Variants in FAM163A observed in about 807,000 individuals in gnomAD.
FAM163A encodes family with sequence similarity 163 member A.
A neutral mutation model predicts 12.0 loss-of-function variants in FAM163A; 7 were observed. The observed-to-expected ratio is 0.58, with a 90% CI of 0.33 to 1.10. FAM163A has a LOEUF of 1.10. Among genes scored for constraint, FAM163A ranks in the 50% least tolerant of loss-of-function variants. FAM163A has a pLI of 0.03. For synonymous variants in FAM163A, 101 were observed against 91.0 expected, an observed-to-expected ratio of 1.11 and a Z score of -0.62; for missense variants, 202 against 218.6, an observed-to-expected ratio of 0.92 and a Z score of 0.48.
chr1:179,813,203 G>T lies in FAM163A; in HGVS notation c.93+13G>T, dbSNP rs1250131738. The T allele has an allele frequency of 2.6e-6, 4 of 1,550,982 alleles. No homozygotes were observed. The highest frequency in any genetic ancestry group is 3.3e-4 in the Middle Eastern group (2 of 5,990). ...CTGCAGGCTCCAGGTCAGTCCCCGG[G>T]ACCCGTAGCCAGAGGCTGCCAGGCC... is the stretch of plus-strand genomic sequence containing the variant. On this transcript the variant is annotated intron_variant, in intron 4 of 4. Transcript: ENST00000341785.
intron 1 of FAM163A, among the ~76,000 whole-genome samples, chr1:179,802,463 C>T (rs899396607): frequency 6.6e-6 from 1 of 152,166 alleles, no homozygotes; most frequent in African/African-American, 2.4e-5. Flanking sequence ...GTTTACGGGT[C>T]CACTCCTCAG....
intron 1 of FAM163A, among the ~76,000 whole-genome samples, chr1:179,776,561 T>A (rs1362708233): frequency 6.6e-6 from 1 of 151,656 alleles, no homozygotes; most frequent in Non-Finnish European, 1.5e-5. Context: ...TGGCCACTTA[T>A]CCCCTCAGCC....
intron 1 of FAM163A, among the ~76,000 whole-genome samples, chr1:179,752,399 A>G (rs909445456): frequency 1.3e-5 from 2 of 151,928 alleles, no homozygotes; most frequent in African/African-American, 4.8e-5. Context: ...TAATGATTTC[A>G]TGGATATGAA....
the FAM163A span, among the ~76,000 whole-genome samples, chr1:179,732,940 G>T: frequency 6.8e-6 from 1 of 146,044 alleles, no homozygotes; most frequent in South Asian, 2.2e-4. Flanking sequence ...TCATGCATCA[G>T]CGGTTCTGGA....
At chr1:179,813,045 C>A (rs1694919429) in intron 3 of FAM163A, 31 bp from the exon 4 acceptor site, 2 of 1,538,882 alleles carry the variant, frequency 1.3e-6, no homozygotes, top group Non-Finnish European at 1.8e-6. Flanking sequence ...GCAGCCACAG[C>A]TGGTCCTCAG....
At chr1:179,759,655 A>G (rs1020183941) in intron 1 of FAM163A, among the ~76,000 whole-genome samples, 2 of 151,890 alleles carry the variant, frequency 1.3e-5, no homozygotes, top group Admixed American at 6.6e-5. Context: ...CTGGGGAGGT[A>G]GGCAGGAACT....
intron 1 of FAM163A, among the ~76,000 whole-genome samples, chr1:179,759,063 C>T (rs1323179545): frequency 6.6e-6 from 1 of 152,224 alleles, no homozygotes; most frequent in Admixed American, 6.5e-5. Flanking sequence ...CAAGTGTTCA[C>T]CTGCCTTTGC....
chr1:179,776,959 A>C (rs1470412700), intron 1 of FAM163A, among the ~76,000 whole-genome samples: 1 of 152,210 alleles, frequency 6.6e-6, no homozygotes, highest in East Asian at 1.9e-4. Context: ...TTTTACGCCA[A>C]TGGAATTATG....
chr1:179,803,426 G>A (rs1432157820), intron 1 of FAM163A, among the ~76,000 whole-genome samples: 1 of 152,182 alleles, frequency 6.6e-6, no homozygotes, highest in East Asian at 1.9e-4. Context: ...AAGTCACTGA[G>A]AACAGGGAAC....
chr1:179,784,230 C>T (rs1690270051), intron 1 of FAM163A, among the ~76,000 whole-genome samples: 1 of 152,222 alleles, frequency 6.6e-6, no homozygotes, highest in Admixed American at 6.5e-5. Flanking sequence ...CCAGGAATAA[C>T]CTGGCCACAG....
At chr1:179,755,792 G>A (rs781397724) in intron 1 of FAM163A, among the ~76,000 whole-genome samples, 1 of 152,136 alleles carries the variant, frequency 6.6e-6, no homozygotes, top group Admixed American at 6.5e-5. Flanking sequence ...GAGTGCCCAT[G>A]GATTCAAGGT....
In FAM163A at chr1:179,805,377, G is replaced by A. The variant is rs777388429; in HGVS notation, c.-135-2421G>A. Among the ~76,000 whole-genome samples the A allele has an allele frequency of 4.1e-4, 63 of 152,178 alleles. 1 individual carries two copies. Among genetic ancestry groups the A allele is most frequent in the Non-Finnish European group, 8.5e-4 (58 of 68,008 alleles). On this transcript the variant is annotated intron_variant, in intron 1 of 4. Transcript: ENST00000341785. Reference sequence around the variant, plus strand: ...TACTAAAAATACAAAAATTAGCCGGGGGTGGTGGCGGGCGCCTATAATCTG... The same window carrying A: ...TACTAAAAATACAAAAATTAGCCGGAGGTGGTGGCGGGCGCCTATAATCTG...
the FAM163A span, among the ~76,000 whole-genome samples, chr1:179,728,509 C>A: frequency 8.8e-3 from 1,345 of 152,242 alleles, 10 homozygotes; most frequent in East Asian, 0.048. Context: ...CTCTCTGCAG[C>A]TCCTGTTGCA....
At chr1:179,777,974 A>C (rs1362510833) in intron 1 of FAM163A, among the ~76,000 whole-genome samples, 1 of 152,072 alleles carries the variant, frequency 6.6e-6, no homozygotes, top group African/African-American at 2.4e-5. Context: ...TTTTTATCCT[A>C]CTGAGTGTAC....
chr1:179,779,337 A>G (rs1689410505), intron 1 of FAM163A, among the ~76,000 whole-genome samples: 1 of 152,182 alleles, frequency 6.6e-6, no homozygotes, highest in Non-Finnish European at 1.5e-5. Flanking sequence ...TCAGGGGGAT[A>G]TGAATGAAGC....
intron 1 of FAM163A, among the ~76,000 whole-genome samples, chr1:179,745,314 C>T (rs1684316803): frequency 6.6e-6 from 1 of 151,672 alleles, no homozygotes; most frequent in Admixed American, 6.5e-5. Flanking sequence ...AGCAGGTCCC[C>T]CTGTTTGGCC....
intron 1 of FAM163A, among the ~76,000 whole-genome samples, chr1:179,795,602 G>A (rs138673133): frequency 3.6e-4 from 55 of 152,288 alleles, no homozygotes; most frequent in African/African-American, 1.1e-3. Flanking sequence ...AACCATGAGC[G>A]AAATAAGCTT....
chr1:179,756,580 A>G (rs990738249), intron 1 of FAM163A, among the ~76,000 whole-genome samples: 1 of 152,226 alleles, frequency 6.6e-6, no homozygotes, highest in Non-Finnish European at 1.5e-5. Context: ...TTCCTTTGGG[A>G]TATCTAAGAA....
intron 1 of FAM163A, among the ~76,000 whole-genome samples, chr1:179,758,664 C>T (rs908312655): frequency 3.9e-5 from 6 of 152,244 alleles, no homozygotes; most frequent in African/African-American, 9.6e-5. Context: ...TCTGTTCCTC[C>T]GTCCAGGACT....
Sources: gnomAD v4.1 joint callset for allele counts (sites outside exome capture counted in the v4.1 genomes callset) on GRCh38, gnomAD v4.1.1 for gene constraint, MANE v1.5 for transcripts, NCBI Gene and HGNC (gene_info 2026-07-23, HGNC 2026-07-21) for gene names.